CDH13: variants seen among roughly 807,000 people sequenced by gnomAD.
CDH13 encodes the protein cadherin 13.
Under a neutral mutation model 63.8 loss-of-function variants are expected in CDH13, and 24 were observed. The observed-to-expected ratio is 0.38, with a 90% confidence interval of 0.27 to 0.53. The LOEUF is 0.53. Ranked by LOEUF, CDH13 falls within the 20% of genes least tolerant of loss-of-function variation. The pLI is 0.85. For synonymous variants in CDH13, 503 were observed against 355.3 expected (o/e 1.42, Z -4.67); for missense variants, 1,049 against 903.1 (o/e 1.16, Z -2.07).
At chr16:83,396,091 A>G (rs771803456) in intron 6 of CDH13, among the ~76,000 whole-genome samples, 3 of 152,186 alleles carry the variant, frequency 2.0e-5, no homozygotes, top group Non-Finnish European at 2.9e-5. Context: ...AATGGCCTCC[A>G]GTTCTGTCCA....
At chr16:83,142,852 C>T (rs1413162883) in intron 4 of CDH13, among the ~76,000 whole-genome samples, 2 of 152,134 alleles carry the variant, frequency 1.3e-5, no homozygotes, top group Admixed American at 1.3e-4. Context: ...CCTGGAATCC[C>T]AGCCCTTTGG....
At chr16:83,520,582 T>C (rs983750585) in intron 7 of CDH13, among the ~76,000 whole-genome samples, 32 of 152,322 alleles carry the variant, frequency 2.1e-4, no homozygotes, top group African/African-American at 6.7e-4. Flanking sequence ...ATCCACTCTA[T>C]GGTTGGCCTT....
Position 83,485,243 on chromosome 16 carries a change from G to A in CDH13, c.782-1234G>A, listed in dbSNP as rs145809654. Among the ~76,000 whole-genome samples, 14 of 152,278 alleles carry A rather than the reference G, an allele frequency of 9.2e-5. No individual in the cohort carries two copies. In the East Asian group the frequency reaches 9.7e-4, roughly 11 times the overall value. On this transcript the variant is annotated intron_variant, in intron 6 of 13. Coordinates refer to ENST00000567109, the MANE Select transcript of CDH13 (RefSeq NM_001257.5). Reference sequence around the variant, plus strand: ...ATTTGCACAGATCCCTTGCGGACACGTGCAGTTGTTTCTGAAAGTAGATGC... The same window carrying A: ...ATTTGCACAGATCCCTTGCGGACACATGCAGTTGTTTCTGAAAGTAGATGC...
intron 1 of CDH13, among the ~76,000 whole-genome samples, chr16:82,787,355 A>G (rs959934326): frequency 4.6e-5 from 7 of 152,250 alleles, no homozygotes; most frequent in Admixed American, 1.3e-4. Context: ...ACAGCAGCAC[A>G]TATGTCCTGG....
intron 6 of CDH13, among the ~76,000 whole-genome samples, chr16:83,443,717 AAAAAAAAAAAAAAAAAAAATATATAT>A (rs1238070051): frequency 3.4e-4 from 34 of 99,018 alleles, no homozygotes; most frequent in East Asian, 3.2e-3. Context: ...AAAAAAAAAA[AAAAAAAAAAAAAAAAAAAATATATAT>A]ATATATATAT....
rs138920026 is a variant in CDH13, at chr16:82,918,088, G to C, written c.157+59615G>C. 1.7e-4 allele frequency among the ~76,000 whole-genome samples: 26 copies of C among 152,262 alleles called. No homozygotes were observed. In the East Asian group the frequency reaches 3.9e-3, roughly 23 times the overall value. On this transcript the variant is annotated intron_variant, in intron 2 of 13. Coordinates refer to ENST00000567109, the MANE Select transcript of CDH13 (RefSeq NM_001257.5). ...TGGCAGTTGTGCACAAACCTGCTGC[G>C]AGGCAGCTGGTGCCCTGGTAAAAGG...
At chr16:83,548,464 C>T (rs897108748) in intron 7 of CDH13, among the ~76,000 whole-genome samples, 12 of 152,136 alleles carry the variant, frequency 7.9e-5, no homozygotes, top group African/African-American at 2.7e-4. Context: ...GTGTCCGTAG[C>T]GCAGTGGTTG....
chr16:83,766,037 T>C (rs1914358491), intron 11 of CDH13, among the ~76,000 whole-genome samples: 1 of 152,220 alleles, frequency 6.6e-6, no homozygotes, highest in Admixed American at 6.5e-5. Context: ...CACATCTAAA[T>C]TGTGGCTCCT....
At chr16:83,068,653 C>G (rs370651207) in intron 3 of CDH13, among the ~76,000 whole-genome samples, 6 of 152,124 alleles carry the variant, frequency 3.9e-5, no homozygotes, top group African/African-American at 1.4e-4. Flanking sequence ...TGGTCTTCAT[C>G]TTTAATGCCA....
intron 6 of CDH13, among the ~76,000 whole-genome samples, chr16:83,433,736 T>G (rs1398293971): frequency 6.6e-6 from 1 of 152,226 alleles, no homozygotes; most frequent in Non-Finnish European, 1.5e-5. Context: ...ATTCCTTGAA[T>G]GTACCATTAG....
At chr16:82,776,405 A>G (rs936674488) in intron 1 of CDH13, among the ~76,000 whole-genome samples, 1 of 152,218 alleles carries the variant, frequency 6.6e-6, no homozygotes, top group Non-Finnish European at 1.5e-5. Flanking sequence ...TTGGTGGTCA[A>G]TTAGCTGGAG....
At chr16:83,242,145 AGG>A (rs1182064182) in intron 5 of CDH13, among the ~76,000 whole-genome samples, 1 of 152,182 alleles carries the variant, frequency 6.6e-6, no homozygotes, top group African/African-American at 2.4e-5. Context: ...CATATACATA[AGG>A]GTTTATTTCT....
chr16:83,182,739 C>A (rs902822209), intron 4 of CDH13, among the ~76,000 whole-genome samples: 3 of 152,164 alleles, frequency 2.0e-5, no homozygotes, highest in African/African-American at 7.2e-5. Context: ...AAGTTAGTAA[C>A]ACTAATGGGA....
intron 2 of CDH13, among the ~76,000 whole-genome samples, chr16:82,971,256 T>A (rs1340687549): frequency 6.6e-6 from 1 of 152,220 alleles, no homozygotes; most frequent in African/African-American, 2.4e-5. Context: ...GCTGATTTGA[T>A]AACAGCCGTT....
intron 4 of CDH13, among the ~76,000 whole-genome samples, chr16:83,128,749 C>T (rs1387968871): frequency 6.6e-6 from 1 of 152,160 alleles, no homozygotes; most frequent in African/African-American, 2.4e-5. Flanking sequence ...TAATTGGGAA[C>T]ATTCTTCTGC....
At chr16:83,649,510 T>C (rs1201086090) in intron 8 of CDH13, among the ~76,000 whole-genome samples, 3 of 152,060 alleles carry the variant, frequency 2.0e-5, no homozygotes, top group East Asian at 1.9e-4. Flanking sequence ...TGGAGAGTCA[T>C]GAACATGTTT....
At chr16:83,039,455 C>T (rs1023838332) in intron 3 of CDH13, among the ~76,000 whole-genome samples, 12 of 152,186 alleles carry the variant, frequency 7.9e-5, no homozygotes, top group Admixed American at 5.9e-4. Flanking sequence ...GAAAGGATCT[C>T]CCCTACTGGT....
intron 4 of CDH13, among the ~76,000 whole-genome samples, chr16:83,131,588 G>A (rs149377762): frequency 3.2e-4 from 48 of 152,180 alleles, no homozygotes; most frequent in African/African-American, 1.1e-3. Context: ...TCTTGGGCCC[G>A]ATTGATTGAG....
chr16:83,203,456 G>A (rs895577136), intron 4 of CDH13, among the ~76,000 whole-genome samples: 1 of 151,916 alleles, frequency 6.6e-6, no homozygotes, highest in Non-Finnish European at 1.5e-5. Context: ...GGAGGCCAAG[G>A]CGGGCGGATC....
Sources: gnomAD v4.1 joint callset for allele counts (sites outside exome capture counted in the v4.1 genomes callset) on GRCh38, gnomAD v4.1.1 for gene constraint, MANE v1.5 for transcripts, NCBI Gene and HGNC (gene_info 2026-07-23, HGNC 2026-07-21) for gene names.